CMSS1: variants seen among roughly 807,000 people sequenced by gnomAD.
CMSS1 encodes the protein cms1 ribosomal small subunit homolog.
CMSS1 carries 33 observed loss-of-function variants against 43.5 expected under a neutral mutation model. That is an observed-to-expected ratio of 0.76 (90% CI 0.57 to 1.01). CMSS1 has a LOEUF of 1.01. Ranked by LOEUF, CMSS1 falls within the 50% of genes least tolerant of loss-of-function variation. The pLI, the probability that CMSS1 is intolerant of heterozygous loss-of-function variation, is 0.00. For missense variants in CMSS1, 313 were observed against 326.4 expected, an observed-to-expected ratio of 0.96 and a Z score of 0.32; for synonymous variants, 115 against 117.2, an observed-to-expected ratio of 0.98 and a Z score of 0.12.
intron 1 of CMSS1, among the ~76,000 whole-genome samples, chr3:99,882,207 T>G (rs1283757354): frequency 1.3e-5 from 2 of 152,238 alleles, no homozygotes; most frequent in African/African-American, 4.8e-5. Flanking sequence ...CTTCTAAGAT[T>G]ATTTTTATGA....
intron 1 of CMSS1, among the ~76,000 whole-genome samples, chr3:100,089,065 G>C (rs1383955216): frequency 6.6e-6 from 1 of 152,132 alleles, no homozygotes; most frequent in Non-Finnish European, 1.5e-5. Context: ...ACCAGTATTA[G>C]AAGGCATCAG....
chr3:100,094,949 A>G (rs1022510529), intron 1 of CMSS1, among the ~76,000 whole-genome samples: 1 of 151,934 alleles, frequency 6.6e-6, no homozygotes, highest in Non-Finnish European at 1.5e-5. Context: ...CGGCCTCCCA[A>G]AGTGCTGGGA....
chr3:99,915,289 C>T (rs1446602823), intron 1 of CMSS1, among the ~76,000 whole-genome samples: 1 of 152,090 alleles, frequency 6.6e-6, no homozygotes, highest in African/African-American at 2.4e-5. Flanking sequence ...TTCATTCACT[C>T]ATTCAAAAAA....
intron 1 of CMSS1, among the ~76,000 whole-genome samples, chr3:99,881,233 C>G (rs1184604627): frequency 6.6e-6 from 1 of 152,144 alleles, no homozygotes; most frequent in Admixed American, 6.5e-5. Flanking sequence ...AATGTGACGC[C>G]ACTGTAAGAT....
At chr3:99,906,849 T>A (rs1706633697) in intron 1 of CMSS1, among the ~76,000 whole-genome samples, 1 of 152,178 alleles carries the variant, frequency 6.6e-6, no homozygotes, top group East Asian at 1.9e-4. Context: ...ATTTTGCCAT[T>A]TTCCCCACCC....
chr3:100,178,616 G>T lies in CMSS1; in HGVS notation c.*228G>T. ...GGCTTGTGTATGATCCTTGTTGAGCGGACCGTGTTTTTCTGTCACCAACTG... is the reference window on the plus strand; with the variant it reads ...GGCTTGTGTATGATCCTTGTTGAGCTGACCGTGTTTTTCTGTCACCAACTG... On this transcript the variant is annotated 3_prime_UTR_variant, in exon 10 of 10. Coordinates refer to ENST00000421999, the MANE Select transcript of CMSS1 (RefSeq NM_032359.4). 2 of 400,108 alleles carry T rather than the reference G, an allele frequency of 5.0e-6. No individual in the cohort carries two copies. The highest frequency in any genetic ancestry group is 4.5e-6 in the Non-Finnish European group (1 of 221,246). The allele number at this position is 400,108 out of a possible 1,614,324, so 24.8% of individuals were successfully genotyped here.
chr3:100,139,402 C>T (rs2066783850), intron 1 of CMSS1, among the ~76,000 whole-genome samples: 1 of 148,264 alleles, frequency 6.7e-6, no homozygotes, highest in African/African-American at 2.5e-5. Context: ...AGCCAGGAGG[C>T]CAGGCATGGT....
chr3:100,170,040 C>G (rs1177725443), intron 6 of CMSS1, among the ~76,000 whole-genome samples: 1 of 152,182 alleles, frequency 6.6e-6, no homozygotes, highest in East Asian at 1.9e-4. Context: ...TGAGTAGGCA[C>G]AACAAGCCCT....
At position 100,162,298 on chromosome 3, in the gene CMSS1, C is replaced by A. The variant is rs779225524; in HGVS notation, c.226-5C>A. On this transcript the variant is annotated splice_region_variant and splice_polypyrimidine_tract_variant and intron_variant, in intron 3 of 9. Coordinates refer to ENST00000421999, the MANE Select transcript of CMSS1 (RefSeq NM_032359.4). ...GTCCCATTTTTCTTCTTTCTCATAT[C>A]TTAGAAGAAAATTACTGATGTTCTT... is the stretch of plus-strand genomic sequence containing the variant. 1 of 1,606,596 alleles carries A rather than the reference C, an allele frequency of 6.2e-7. No individual in the cohort carries two copies. Among genetic ancestry groups the A allele is most frequent in the Admixed American group, 1.7e-5 (1 of 58,710 alleles).
At chr3:100,053,388 C>T (rs2065406500) in intron 1 of CMSS1, among the ~76,000 whole-genome samples, 1 of 152,208 alleles carries the variant, frequency 6.6e-6, no homozygotes, top group African/African-American at 2.4e-5. Context: ...TGCTTGCCAA[C>T]AGTCCTTGGC....
chr3:99,876,354 G>T (rs1016735888), intron 1 of CMSS1, among the ~76,000 whole-genome samples: 6 of 152,196 alleles, frequency 3.9e-5, no homozygotes, highest in African/African-American at 7.2e-5. Flanking sequence ...AACGGACCGT[G>T]GTTCCCGGCT....
intron 1 of CMSS1, among the ~76,000 whole-genome samples, chr3:100,014,420 T>C (rs1401199355): frequency 6.6e-6 from 1 of 152,060 alleles, no homozygotes; most frequent in Non-Finnish European, 1.5e-5. Flanking sequence ...ACCTGCAGAC[T>C]TATTTTCTGT....
intron 1 of CMSS1, among the ~76,000 whole-genome samples, chr3:99,912,476 C>T (rs1446544259): frequency 6.6e-6 from 1 of 152,172 alleles, no homozygotes; most frequent in Non-Finnish European, 1.5e-5. Context: ...TCCCTGGACT[C>T]AGGTGATCCT....
chr3:99,858,215 C>T (rs1300418834), intron 1 of CMSS1, among the ~76,000 whole-genome samples: 1 of 152,128 alleles, frequency 6.6e-6, no homozygotes, highest in East Asian at 1.9e-4. Flanking sequence ...CCTATAATCC[C>T]AGCACTTTGG....
At chr3:99,848,383 C>G in intron 1 of CMSS1, 1 of 1,614,050 alleles carries the variant, frequency 6.2e-7, no homozygotes, top group Non-Finnish European at 8.5e-7. Flanking sequence ...GTTTAGTGCC[C>G]CGTTAATTAA....
At chr3:99,850,856 G>C (rs1189333676) in intron 1 of CMSS1, 1 of 1,614,154 alleles carries the variant, frequency 6.2e-7, no homozygotes, top group Admixed American at 1.7e-5. Context: ...GCAAGGGCTA[G>C]TTTGGTATGT....
intron 1 of CMSS1, among the ~76,000 whole-genome samples, chr3:99,852,260 A>T (rs1429556889): frequency 1.3e-5 from 2 of 152,176 alleles, no homozygotes; most frequent in Non-Finnish European, 2.9e-5. Context: ...AAGGAATTGA[A>T]CCAAAGGACT....
intron 1 of CMSS1, among the ~76,000 whole-genome samples, chr3:99,885,445 A>G (rs189654905): frequency 6.1e-4 from 93 of 152,376 alleles, no homozygotes; most frequent in Non-Finnish European, 1.1e-3. Flanking sequence ...AATTATGACT[A>G]GCCCAATTAC....
At chr3:99,835,592 G>A (rs1190349721) in intron 1 of CMSS1, among the ~76,000 whole-genome samples, 1 of 152,120 alleles carries the variant, frequency 6.6e-6, no homozygotes, top group Non-Finnish European at 1.5e-5. Context: ...TCCCTGCAGT[G>A]GGAATTAATA....
Sources: gnomAD v4.1 joint callset for allele counts (sites outside exome capture counted in the v4.1 genomes callset) on GRCh38, gnomAD v4.1.1 for gene constraint, MANE v1.5 for transcripts, NCBI Gene and HGNC (gene_info 2026-07-23, HGNC 2026-07-21) for gene names.